The following CLCN1 variants were observed in gnomAD, a reference collection of about 807,000 sequenced individuals.
CLCN1 encodes chloride voltage-gated channel 1.
In CLCN1, 100 loss-of-function variants were observed where a neutral mutation model predicts 114.5. The observed-to-expected ratio is 0.87, with a 90% CI of 0.74 to 1.03. The LOEUF (loss-of-function observed/expected upper bound fraction) is 1.03. Among genes scored for constraint, CLCN1 ranks in the 50% least tolerant of loss-of-function variants. The probability of loss-of-function intolerance (pLI) is 0.00; values close to 1 mark genes in which losing one functional copy is unlikely to be tolerated. For synonymous variants in CLCN1, 485 were observed against 487.1 expected, an observed-to-expected ratio of 1.00 and a Z score of 0.06; for missense variants, 1,188 against 1,250.0, an observed-to-expected ratio of 0.95 and a Z score of 0.75.
At chr7:143,351,271 G>T (rs190438932) in intron 22 of CLCN1, among the ~76,000 whole-genome samples, 15 of 152,214 alleles carry the variant, frequency 9.9e-5, no homozygotes, top group Admixed American at 2.6e-4. Context: ...ACAGTTTCTC[G>T]GGGATGCGCT....
Position 143,331,230 on chromosome 7 carries a change from A to C in CLCN1, c.980-2A>C, listed in dbSNP as rs1197125822. ...CGTAATACTGGCCTTTCCATCCTAC[A>C]GTCACCATCACTGCTCTGTTCAGAA... On this transcript the variant is annotated splice_acceptor_variant, in intron 8 of 22. Coordinates refer to ENST00000343257, the MANE Select transcript of CLCN1 (RefSeq NM_000083.3). LOFTEE classifies it high-confidence loss of function. The C allele has an allele frequency of 6.2e-7, 1 of 1,605,882 alleles. No homozygotes were observed. Among genetic ancestry groups the C allele is most frequent in the South Asian group, 1.1e-5 (1 of 90,894 alleles).
At position 143,320,553 on chromosome 7, in the gene CLCN1, TTC is replaced by T. The variant is rs59572880; in HGVS notation, c.302-79_302-78del. 0.2 allele frequency: 125,726 copies of T among 644,454 alleles called. 5 individuals are homozygous for T. Among genetic ancestry groups the T allele is most frequent in the South Asian group, 0.28 (16,155 of 57,526 alleles). 39.9% of individuals were successfully genotyped at this position (644,454 alleles called of 1,614,324 possible). ...TAAAGTAGTGACTCGTTAGCTGCTT[TTC>T]TCTCTCTCTCTCTCTCTCTCTCTCT... On this transcript the variant is annotated intron_variant, in intron 2 of 22. Transcript: ENST00000343257.
In CLCN1 at chr7:143,317,070, G is replaced by C. The variant is rs1018065712; in HGVS notation, c.180+678G>C. Among the ~76,000 whole-genome samples, 5 of 152,240 alleles carry C rather than the reference G, an allele frequency of 3.3e-5. No homozygotes were observed. The East Asian group carries it at 9.7e-4, about 29-fold the overall frequency. On this transcript the variant is annotated intron_variant, in intron 1 of 22. Coordinates refer to ENST00000343257, the MANE Select transcript of CLCN1 (RefSeq NM_000083.3). ...TGAGCAGCCTCCCGCTGTGGGATTG[G>C]TGGGATATGAACACCTAGGAAAGGG...
rs534150833 is a variant in CLCN1 at position 143,330,964 on chromosome 7, A to G, written c.979+67A>G. 8.3e-4 allele frequency: 1,334 copies of G among 1,609,006 alleles called. 2 individuals carry two copies. Among genetic ancestry groups the G allele is most frequent in the Non-Finnish European group, 1.1e-3 (1,260 of 1,175,734 alleles). ...AAGCTGGGAATGGGGTGCAGAGGAA[A>G]ACTCTGTGGGGCAGTTCAGAAAAGG... On this transcript the variant is annotated intron_variant, in intron 8 of 22. Coordinates refer to ENST00000343257, the MANE Select transcript of CLCN1 (RefSeq NM_000083.3).
intron 20 of CLCN1, among the ~76,000 whole-genome samples, chr7:143,348,106 A>T (rs1411685485): frequency 1.3e-5 from 2 of 152,234 alleles, no homozygotes; most frequent in Admixed American, 1.3e-4. Flanking sequence ...ATCCAGAATA[A>T]ATATGTGCTG....
Position 143,316,287 on chromosome 7 carries a change from G to T in CLCN1, c.75G>T (p.Met25Ile). 2 of 1,613,774 alleles carry T rather than the reference G, an allele frequency of 1.2e-6. No homozygotes were observed. The highest frequency in any genetic ancestry group is 2.2e-5 in the South Asian group (2 of 91,088). Residue 25 changes from methionine (M) to isoleucine (I), a missense_variant, in exon 1 of 23, where the codon ATG becomes ATT. By Grantham distance (10) the Met-to-Ile change is conservative. Coordinates refer to ENST00000343257, the MANE Select transcript of CLCN1 (RefSeq NM_000083.3). ...GTAGTGACCCCCAGTACCAGTATAT[G>T]CCCTTTGAACACTGCACCAGCTACG... ...WWGSDPQYQY[M>I]PFEHCTSYGL... is the part of the protein sequence containing the mutation.
intron 7 of CLCN1, among the ~76,000 whole-genome samples, chr7:143,325,253 G>A (rs1282669223): frequency 6.6e-6 from 1 of 152,212 alleles, no homozygotes; most frequent in Non-Finnish European, 1.5e-5. Context: ...GTTGATATGT[G>A]AAGAAACAAA....
chr7:143,341,291 G>A (rs1006172477), intron 14 of CLCN1, among the ~76,000 whole-genome samples: 2 of 152,134 alleles, frequency 1.3e-5, no homozygotes, highest in African/African-American at 4.8e-5. Context: ...TGATACAGTG[G>A]CTCATGCCTG....
rs117080330 is a variant in CLCN1, at chr7:143,339,668, G to T, written c.1582+47G>T. On this transcript the variant is annotated intron_variant, in intron 14 of 22. Coordinates refer to ENST00000343257, the MANE Select transcript of CLCN1 (RefSeq NM_000083.3). This position sits in a 1 kb window ranked among gnomAD's most constrained non-coding sequence, Gnocchi z 4.1. ...CTGTAATCAAACATTGAGTACTTCA[G>T]ATCCCCACACTTAAACTCTCCCATT... 789 of 1,139,702 alleles carry T rather than the reference G, an allele frequency of 6.9e-4. 6 individuals are homozygous for T. The East Asian group carries it at 0.017, about 24-fold the overall frequency. 70.6% of individuals were successfully genotyped at this position (1,139,702 alleles called of 1,614,324 possible). A position where few individuals can be genotyped will look rare whatever the true frequency, so the allele number is the denominator to read the frequency against.
intron 10 of CLCN1, 111 bp downstream of exon 10, chr7:143,331,763 A>G: frequency 1.3e-6 from 1 of 761,576 alleles, no homozygotes; most frequent in Non-Finnish European, 2.4e-6. Flanking sequence ...GGCTTGCATT[A>G]AAATATAAGG....
chr7:143,345,802 G>A, intron 17 of CLCN1, 40 bp downstream of exon 17: 1 of 1,602,862 alleles, frequency 6.2e-7, no homozygotes, highest in East Asian at 2.2e-5. Flanking sequence ...GGATAGATCA[G>A]GAGCAAAGGG....
rs148199438 is a variant in CLCN1 at position 143,328,678 on chromosome 7, C to G, written c.854-2094C>G. Among the ~76,000 whole-genome samples, 801 of 152,318 alleles carry G rather than the reference C, an allele frequency of 5.3e-3. 3 individuals carry two copies. Among genetic ancestry groups the G allele is most frequent in the Non-Finnish European group, 7.8e-3 (534 of 68,034 alleles). Reference sequence around the variant, plus strand: ...TGGTATAGAAAAGGAGAGAGACTCACTCTACCTGGTTCCTGCTGTGTCAAA... The same window carrying G: ...TGGTATAGAAAAGGAGAGAGACTCAGTCTACCTGGTTCCTGCTGTGTCAAA... On this transcript the variant is annotated intron_variant, in intron 7 of 22. Coordinates refer to ENST00000343257, the MANE Select transcript of CLCN1 (RefSeq NM_000083.3).
Position 143,345,521 on chromosome 7 carries a change from A to G in CLCN1, c.1931A>G (p.Asp644Gly), listed in dbSNP as rs1402378708. Reference sequence around the variant, plus strand: ...CAGGCAGGGCGTGGGTTTCCCTCAGATTCAATGATCCTGCTGGGCTCGGTG... The same window carrying G: ...CAGGCAGGGCGTGGGTTTCCCTCAGGTTCAATGATCCTGCTGGGCTCGGTG... ...VKTLPLVDSKDSMILLGSVER... is the reference protein window; with the variant it reads ...VKTLPLVDSKGSMILLGSVER... The change falls in exon 17 of 23, where the codon GAT becomes GGT. Residue 644 changes from aspartate to glycine, a missense_variant and splice_region_variant. Coordinates refer to ENST00000343257, the MANE Select transcript of CLCN1 (RefSeq NM_000083.3). 4 of 1,532,848 alleles carry G rather than the reference A, an allele frequency of 2.6e-6. No individual in the cohort carries two copies. Among genetic ancestry groups the G allele is most frequent in the East Asian group, 4.9e-5 (2 of 40,494 alleles). 95.0% of individuals were successfully genotyped at this position (1,532,848 alleles called of 1,614,324 possible). A position where few individuals can be genotyped will look rare whatever the true frequency, so the allele number is the denominator to read the frequency against.
chr7:143,325,298 A>G (rs184650624), intron 7 of CLCN1, among the ~76,000 whole-genome samples: 351 of 152,358 alleles, frequency 2.3e-3, no homozygotes, highest in African/African-American at 8.0e-3. Context: ...TAAATGACCC[A>G]CTGTTAGAGG....
At chr7:143,317,154 G>A (rs1802308691) in intron 1 of CLCN1, among the ~76,000 whole-genome samples, 1 of 151,958 alleles carries the variant, frequency 6.6e-6, no homozygotes, top group African/African-American at 2.4e-5. Context: ...AAAAAGATAG[G>A]TCATGGTTAA....
At position 143,321,818 on chromosome 7, in the gene CLCN1, C is replaced by T. The variant is rs770986156; in HGVS notation, c.666C>T (p.Gly222=). 2 of 1,614,212 alleles carry T rather than the reference C, an allele frequency of 1.2e-6. No individual in the cohort carries two copies. Among genetic ancestry groups the T allele is most frequent in the Non-Finnish European group, 1.7e-6 (2 of 1,180,034 alleles). ...FVAKVVALTA[G]LGSGIPVGKE... ...CCAAGGTTGTCGCCCTGACTGCGGG[C>T]CTGGGCAGTGGCATCCCCGTGGGGA... The change falls in exon 5 of 23, where the codon GGC becomes GGT. Residue 222 remains glycine, a synonymous_variant. Transcript: ENST00000343257. This position sits in a 1 kb window ranked among gnomAD's most constrained non-coding sequence, Gnocchi z 4.2.
Position 143,322,960 on chromosome 7 carries a change from C to T in CLCN1, c.697-349C>T, listed in dbSNP as rs115560734. 2.1e-3 allele frequency among the ~76,000 whole-genome samples: 327 copies of T among 152,342 alleles called. 3 individuals are homozygous for T. The highest frequency in any genetic ancestry group is 6.9e-3 in the African/African-American group (286 of 41,582). On this transcript the variant is annotated intron_variant, in intron 5 of 22. Coordinates refer to ENST00000343257, the MANE Select transcript of CLCN1 (RefSeq NM_000083.3). Reference sequence around the variant, plus strand: ...TCACTCTGCCCTGGGCCCCTCAGGGCGCCTGTGTGCTGTTTTCTCAGCCTG... The same window carrying T: ...TCACTCTGCCCTGGGCCCCTCAGGGTGCCTGTGTGCTGTTTTCTCAGCCTG...
Position 143,345,710 on chromosome 7 carries a change from C to T in CLCN1, c.2120C>T (p.Ser707Phe), listed in dbSNP as rs745958320. 1.2e-5 allele frequency: 19 copies of T among 1,571,314 alleles called. No homozygotes were observed. Among genetic ancestry groups the T allele is most frequent in the African/African-American group, 2.7e-5 (2 of 73,998 alleles). Residue 707 changes from serine to phenylalanine, a missense_variant, in exon 17 of 23, where the codon TCC becomes TTC. By Grantham distance (155) the Ser-to-Phe change is radical. Coordinates refer to ENST00000343257, the MANE Select transcript of CLCN1 (RefSeq NM_000083.3). ...GGCGCGCCTCCAGGCCGGCCCGAGT[C>T]CTTCGCCTTTGTGGATGAGGATGAG... The part of the protein sequence containing the change: ...LPGAPPGRPE[S>F]FAFVDEDEDE...
chr7:143,341,918 T>A lies in CLCN1; in HGVS notation c.1583-11T>A. The A allele has an allele frequency of 6.2e-7, 1 of 1,610,874 alleles. No homozygotes were observed. Among genetic ancestry groups the A allele is most frequent in the Non-Finnish European group, 8.5e-7 (1 of 1,178,082 alleles). On this transcript the variant is annotated splice_polypyrimidine_tract_variant and intron_variant, in intron 14 of 22. Coordinates refer to ENST00000343257, the MANE Select transcript of CLCN1 (RefSeq NM_000083.3). ...GCCCTAACCTACAGGCGTATTCCTG[T>A]GTCATTCTAGGAGCAGCAGCGCTGA...
Sources: gnomAD v4.1 joint callset for allele counts (sites outside exome capture counted in the v4.1 genomes callset) on GRCh38, gnomAD v4.1.1 for gene constraint, Gnocchi (gnomAD v3.1) non-coding constraint, MANE v1.5 for transcripts, NCBI Gene and HGNC (gene_info 2026-07-23, HGNC 2026-07-21) for gene names.